CBFB: variants seen among roughly 807,000 people sequenced by gnomAD.
CBFB encodes the protein core-binding factor subunit beta.
A neutral mutation model predicts 30.4 loss-of-function variants in CBFB; 9 were observed. That is an observed-to-expected ratio of 0.30 (90% CI 0.18 to 0.52). The LOEUF (loss-of-function observed/expected upper bound fraction) is 0.52. CBFB is among the 20% of genes least tolerant of loss of function. The probability of loss-of-function intolerance (pLI) is 0.97; values close to 1 mark genes in which losing one functional copy is unlikely to be tolerated. For synonymous variants in CBFB, 94 were observed against 84.0 expected, an observed-to-expected ratio of 1.12 and a Z score of -0.65; for missense variants, 170 against 244.0, an observed-to-expected ratio of 0.70 and a Z score of 2.02.
At chr16:67,097,469 C>T (rs953672608) in intron 5 of CBFB, among the ~76,000 whole-genome samples, 9 of 147,390 alleles carry the variant, frequency 6.1e-5, no homozygotes, top group African/African-American at 2.3e-4. Context: ...TGCTTGAACC[C>T]GGGAGTTGGA....
chr16:67,040,797 G>A (rs559878522), intron 3 of CBFB, among the ~76,000 whole-genome samples: 1 of 152,338 alleles, frequency 6.6e-6, no homozygotes, highest in East Asian at 1.9e-4. Context: ...GTTTTAAATT[G>A]AGTGGTCTGG....
chr16:67,067,302 G>A (rs183471745), intron 4 of CBFB, among the ~76,000 whole-genome samples: 3 of 151,766 alleles, frequency 2.0e-5, no homozygotes, highest in Admixed American at 1.3e-4. Flanking sequence ...CCTGAGACTT[G>A]AGGTCAGGAT....
rs536650594 is a variant in CBFB at position 67,066,726 on chromosome 16, C to A, written c.327C>A (p.Ile109=). Residue 109 remains isoleucine, a synonymous_variant, in exon 4 of 6, where the codon ATC becomes ATA. Coordinates refer to ENST00000412916, the MANE Select transcript of CBFB (RefSeq NM_022845.3). ...APMILNGVCV[I]WKGWIDLQRL... Reference sequence around the variant, plus strand: ...TGATTCTGAATGGAGTCTGTGTTATCTGGAAAGGCTGGATTGATCTCCAAA... The same window carrying A: ...TGATTCTGAATGGAGTCTGTGTTATATGGAAAGGCTGGATTGATCTCCAAA... 1 of 1,610,166 alleles carries A rather than the reference C, an allele frequency of 6.2e-7. No homozygotes were observed. The highest frequency in any genetic ancestry group is 1.1e-5 in the South Asian group (1 of 90,942).
At chr16:67,058,997 CTGTTT>C (rs1960810573) in intron 3 of CBFB, among the ~76,000 whole-genome samples, 1 of 152,144 alleles carries the variant, frequency 6.6e-6, no homozygotes, top group Non-Finnish European at 1.5e-5. Context: ...TGTAGTTACT[CTGTTT>C]TAATTGCCTT....
At chr16:67,065,944 T>G (rs1961038715) in intron 3 of CBFB, among the ~76,000 whole-genome samples, 1 of 152,214 alleles carries the variant, frequency 6.6e-6, no homozygotes, top group Non-Finnish European at 1.5e-5. Flanking sequence ...AGCAGTGTTT[T>G]GTTCCGAATT....
intron 5 of CBFB, among the ~76,000 whole-genome samples, chr16:67,087,027 A>G (rs77801206): frequency 0.048 from 7,371 of 152,152 alleles, 520 homozygotes; most frequent in African/African-American, 0.15. Context: ...CAAACAGTGT[A>G]TGCAAAGGCA....
chr16:67,047,852 T>C (rs1966656149), intron 3 of CBFB, among the ~76,000 whole-genome samples: 1 of 152,016 alleles, frequency 6.6e-6, no homozygotes, highest in Non-Finnish European at 1.5e-5. Context: ...GTGGATCGCC[T>C]GGGGTTAGGA....
intron 5 of CBFB, among the ~76,000 whole-genome samples, chr16:67,082,937 A>C (rs1262645217): frequency 6.6e-6 from 1 of 152,220 alleles, no homozygotes; most frequent in Admixed American, 6.5e-5. Flanking sequence ...AGCCCAATGA[A>C]TTACTGTAAG....
At chr16:67,066,585 T>C in intron 3 of CBFB, 97 bp from the exon 4 acceptor site, 1 of 613,946 alleles carries the variant, frequency 1.6e-6, no homozygotes, top group Non-Finnish European at 2.9e-6. Context: ...CATAATTTTA[T>C]TCATCTTTTC....
chr16:67,061,205 A>ATG (rs1356243125), intron 3 of CBFB, among the ~76,000 whole-genome samples: 1 of 152,354 alleles, frequency 6.6e-6, no homozygotes, highest in Non-Finnish European at 1.5e-5. Context: ...AGAACACAAG[A>ATG]TGTGACACTG....
In CBFB at chr16:67,036,780, A is replaced by G. The variant is rs202226468; in HGVS notation, c.282+25A>G. The G allele has an allele frequency of 7.0e-5, 90 of 1,289,422 alleles. 1 individual carries two copies. Among genetic ancestry groups the G allele is most frequent in the East Asian group, 6.2e-4 (27 of 43,394 alleles). 79.9% of individuals were successfully genotyped at this position (1,289,422 alleles called of 1,614,324 possible). A position where few individuals can be genotyped will look rare whatever the true frequency, so the allele number is the denominator to read the frequency against. ...GGTAGGAAACATTTCTTTGCAATTTAAAATACTGTGGGTTGTTTTGTTAGA... is the reference window on the plus strand; with the variant it reads ...GGTAGGAAACATTTCTTTGCAATTTGAAATACTGTGGGTTGTTTTGTTAGA... On this transcript the variant is annotated intron_variant, in intron 3 of 5. Transcript: ENST00000412916.
intron 3 of CBFB, among the ~76,000 whole-genome samples, chr16:67,050,164 T>C (rs983304103): frequency 9.1e-4 from 135 of 148,188 alleles, no homozygotes; most frequent in Admixed American, 6.2e-3. Context: ...ATCATAAATA[T>C]ATCATATATA....
chr16:67,055,398 G>T (rs557400565), intron 3 of CBFB, among the ~76,000 whole-genome samples: 1 of 109,800 alleles, frequency 9.1e-6, no homozygotes, highest in Non-Finnish European at 1.7e-5. Context: ...ACGGAGTCTC[G>T]CTCTGTCGCC....
intron 5 of CBFB, among the ~76,000 whole-genome samples, chr16:67,086,692 T>C (rs1471592492): frequency 6.6e-6 from 1 of 152,242 alleles, no homozygotes; most frequent in African/African-American, 2.4e-5. Context: ...TGTTGGTTTA[T>C]ATTAACTAGT....
chr16:67,063,943 T>G (rs1428070332), intron 3 of CBFB, among the ~76,000 whole-genome samples: 1 of 152,188 alleles, frequency 6.6e-6, no homozygotes, highest in Non-Finnish European at 1.5e-5. Context: ...CAGATTTTTA[T>G]ATAATTAAAC....
intron 5 of CBFB, among the ~76,000 whole-genome samples, chr16:67,097,205 T>G (rs1308274115): frequency 6.6e-6 from 1 of 150,682 alleles, no homozygotes; most frequent in African/African-American, 2.4e-5. Context: ...TGCACTCCAG[T>G]CTTGGTGACA....
At chr16:67,074,034 A>G (rs1207137339) in intron 4 of CBFB, among the ~76,000 whole-genome samples, 1 of 152,140 alleles carries the variant, frequency 6.6e-6, no homozygotes, top group Non-Finnish European at 1.5e-5. Flanking sequence ...CATCTCAAAA[A>G]AAACAAAAAA....
chr16:67,075,189 C>CAA (rs1183608208), intron 4 of CBFB, among the ~76,000 whole-genome samples: 1 of 100,030 alleles, frequency 1.0e-5, no homozygotes, highest in Non-Finnish European at 2.1e-5. Flanking sequence ...GATTCTATCT[C>CAA]AAAAAAAATG....
chr16:67,096,616 G>A (rs748427849), intron 5 of CBFB, among the ~76,000 whole-genome samples: 22 of 151,908 alleles, frequency 1.4e-4, no homozygotes, highest in Non-Finnish European at 2.8e-4. Flanking sequence ...TCAACAGGAA[G>A]TATTTTTTTC....
Sources: gnomAD v4.1 joint callset for allele counts (sites outside exome capture counted in the v4.1 genomes callset) on GRCh38, gnomAD v4.1.1 for gene constraint, MANE v1.5 for transcripts, NCBI Gene and HGNC (gene_info 2026-07-23, HGNC 2026-07-21) for gene names.